Variants in ITFG1 observed in about 807,000 individuals in gnomAD.
ITFG1 encodes the protein integrin alpha FG-GAP repeat containing 1.
In ITFG1, 34 loss-of-function variants were observed where a neutral mutation model predicts 81.8. That is an observed-to-expected ratio of 0.42 (90% CI 0.32 to 0.55). The LOEUF (loss-of-function observed/expected upper bound fraction) is 0.55. Among genes scored for constraint, ITFG1 ranks in the 20% least tolerant of loss-of-function variants. The pLI, the probability that ITFG1 is intolerant of heterozygous loss-of-function variation, is 0.17. For missense variants in ITFG1, 672 were observed against 755.4 expected, an observed-to-expected ratio of 0.89 and a Z score of 1.29; for synonymous variants, 285 against 270.6, an observed-to-expected ratio of 1.05 and a Z score of -0.52.
intron 13 of ITFG1, among the ~76,000 whole-genome samples, chr16:47,226,390 A>G (rs1464894129): frequency 6.6e-6 from 1 of 152,124 alleles, no homozygotes; most frequent in South Asian, 2.1e-4. Flanking sequence ...TTGTATTTTT[A>G]TATTAAGTTT....
chr16:47,325,685 ACTATAAAC>A lies in ITFG1; in HGVS notation c.803-11870_803-11863del, dbSNP rs1223330873. Among the ~76,000 whole-genome samples, 7 of 152,358 alleles carry A rather than the reference ACTATAAAC, an allele frequency of 4.6e-5. 1 individual carries two copies. The highest frequency in any genetic ancestry group is 1.4e-4 in the African/African-American group (6 of 41,588). ...GAAATACAAACTACCATCAGAGAATACTATAAACACCTCTACGCAAATAAACTAGAAAA... is the reference window on the plus strand; with the variant it reads ...GAAATACAAACTACCATCAGAGAATAACCTCTACGCAAATAAACTAGAAAA... On this transcript the variant is annotated intron_variant, in intron 8 of 17. Coordinates refer to ENST00000320640, the MANE Select transcript of ITFG1 (RefSeq NM_030790.5).
At chr16:47,348,983 T>A (rs1033120017) in intron 8 of ITFG1, among the ~76,000 whole-genome samples, 1 of 152,082 alleles carries the variant, frequency 6.6e-6, no homozygotes, top group Non-Finnish European at 1.5e-5. Context: ...GAAGGAGAAA[T>A]AAAATACTTT....
At chr16:47,310,125 C>A (rs1313100513) in intron 10 of ITFG1, among the ~76,000 whole-genome samples, 1 of 152,194 alleles carries the variant, frequency 6.6e-6, no homozygotes, top group African/African-American at 2.4e-5. Context: ...AAACAGGATG[C>A]AGAGACATTA....
rs1204027807 is a variant in ITFG1 at position 47,260,484 on chromosome 16, T to A, written c.1221+61A>T. The stretch of plus-strand genomic sequence containing the variant: ...ATTTTCTGGTCAAATGGAATGAAGC[T>A]AAAGTGTGACAAGGTGAAAGGCAAT... On this transcript the variant is annotated intron_variant, in intron 11 of 17. Transcript: ENST00000320640. 3.2e-6 allele frequency: 5 copies of A among 1,560,712 alleles called. No homozygotes were observed. In the East Asian group the frequency reaches 1.1e-4, roughly 35 times the overall value.
chr16:47,454,843 C>A (rs898612651), intron 2 of ITFG1, among the ~76,000 whole-genome samples: 1 of 152,032 alleles, frequency 6.6e-6, no homozygotes, highest in African/African-American at 2.4e-5. Flanking sequence ...ATCTGAGCGA[C>A]CCAAGCAAAA....
At chr16:47,297,517 C>A (rs1967001307) in intron 10 of ITFG1, among the ~76,000 whole-genome samples, 1 of 152,054 alleles carries the variant, frequency 6.6e-6, no homozygotes, top group Non-Finnish European at 1.5e-5. Context: ...CCTTGTAGGT[C>A]CAGTCTATTT....
chr16:47,248,122 A>G (rs1165017275), intron 12 of ITFG1, among the ~76,000 whole-genome samples: 3 of 152,240 alleles, frequency 2.0e-5, no homozygotes, highest in African/African-American at 7.2e-5. Context: ...CAGAAGGCAC[A>G]TGATAAACAA....
At chr16:47,249,404 G>C (rs991966712) in intron 12 of ITFG1, among the ~76,000 whole-genome samples, 4 of 152,162 alleles carry the variant, frequency 2.6e-5, no homozygotes, top group African/African-American at 7.2e-5. Flanking sequence ...GGGTGACAAA[G>C]CGAGACTGTG....
At chr16:47,171,558 C>T (rs1166267692) in intron 14 of ITFG1, among the ~76,000 whole-genome samples, 2 of 151,876 alleles carry the variant, frequency 1.3e-5, no homozygotes, top group African/African-American at 2.4e-5. Flanking sequence ...TTATTATTTC[C>T]ATCCTCCTGC....
intron 10 of ITFG1, among the ~76,000 whole-genome samples, chr16:47,266,593 C>T (rs1463657635): frequency 6.6e-6 from 1 of 152,176 alleles, no homozygotes; most frequent in Non-Finnish European, 1.5e-5. Context: ...GAAGCTCATA[C>T]ACTGTTGGGA....
intron 8 of ITFG1, among the ~76,000 whole-genome samples, chr16:47,334,504 A>C (rs958867832): frequency 1.3e-5 from 2 of 152,222 alleles, no homozygotes; most frequent in African/African-American, 4.8e-5. Flanking sequence ...AACGCCAAAA[A>C]ATTCCTAGAG....
At chr16:47,350,864 C>A (rs562092417) in intron 8 of ITFG1, among the ~76,000 whole-genome samples, 19 of 152,302 alleles carry the variant, frequency 1.2e-4, no homozygotes, top group African/African-American at 3.4e-4. Flanking sequence ...AGCTTATCCA[C>A]CATGATCAAG....
chr16:47,429,795 G>A (rs1436812869), intron 5 of ITFG1, among the ~76,000 whole-genome samples: 5 of 151,982 alleles, frequency 3.3e-5, no homozygotes, highest in Non-Finnish European at 4.4e-5. Context: ...TTGCTTTACT[G>A]CTATCCATCC....
chr16:47,394,552 C>A (rs1178500380), intron 6 of ITFG1, among the ~76,000 whole-genome samples: 2 of 151,860 alleles, frequency 1.3e-5, no homozygotes, highest in African/African-American at 4.8e-5. Flanking sequence ...GTCATGTGGA[C>A]TATGTTTTCC....
At chr16:47,413,695 G>GA (rs1968838680) in intron 6 of ITFG1, among the ~76,000 whole-genome samples, 1 of 151,662 alleles carries the variant, frequency 6.6e-6, no homozygotes, top group African/African-American at 2.4e-5. Context: ...GACTTTGTCT[G>GA]AAAAAAATAC....
At chr16:47,225,805 C>T (rs1965749529) in intron 13 of ITFG1, among the ~76,000 whole-genome samples, 1 of 152,026 alleles carries the variant, frequency 6.6e-6, no homozygotes. Flanking sequence ...GGAATTCTGG[C>T]TGATCTGAAA....
chr16:47,418,395 T>C (rs571346289), intron 6 of ITFG1, among the ~76,000 whole-genome samples: 15 of 152,250 alleles, frequency 9.9e-5, no homozygotes, highest in African/African-American at 3.6e-4. Context: ...GTCCCATTTA[T>C]CTTTTTTTTG....
intron 6 of ITFG1, among the ~76,000 whole-genome samples, chr16:47,383,187 G>A (rs1160664316): frequency 1.3e-5 from 2 of 152,042 alleles, no homozygotes; most frequent in Non-Finnish European, 2.9e-5. Context: ...TGTTCCAGAA[G>A]GTAAAGAAGT....
chr16:47,385,424 C>T (rs1968449106), intron 6 of ITFG1, among the ~76,000 whole-genome samples: 1 of 152,140 alleles, frequency 6.6e-6, no homozygotes. Context: ...ATAATTTCCC[C>T]AGCATATGGC....
Sources: gnomAD v4.1 joint callset for allele counts (sites outside exome capture counted in the v4.1 genomes callset) on GRCh38, gnomAD v4.1.1 for gene constraint, MANE v1.5 for transcripts, NCBI Gene and HGNC (gene_info 2026-07-23, HGNC 2026-07-21) for gene names.